The following ENAM variants were observed in gnomAD, a reference collection of about 807,000 sequenced individuals.
The protein encoded by ENAM is enamelin.
Under a neutral mutation model 33.6 loss-of-function variants are expected in ENAM, and 21 were observed. That is an observed-to-expected ratio of 0.63 (90% confidence interval 0.44 to 0.90). The LOEUF (loss-of-function observed/expected upper bound fraction) is 0.90, where lower values mean the gene tolerates loss of function less well. ENAM is among the 40% of genes least tolerant of loss of function. The pLI is 0.00. For missense variants in ENAM, 1,388 were observed against 1,366.9 expected (o/e 1.02, Z -0.24); for synonymous variants, 473 against 468.4 (o/e 1.01, Z -0.13).
intron 6 of ENAM, among the ~76,000 whole-genome samples, chr4:70,634,964 T>C (rs1317388120): frequency 6.6e-6 from 1 of 152,222 alleles, no homozygotes; most frequent in African/African-American, 2.4e-5. Context: ...ATCTGTGCTT[T>C]GATGCTCTAA....
chr4:70,629,715 T>C (rs1319954508), intron 2 of ENAM, among the ~76,000 whole-genome samples, 161 bp downstream of exon 2: 1 of 152,162 alleles, frequency 6.6e-6, no homozygotes, highest in African/African-American at 2.4e-5. Flanking sequence ...ACAGTCATTG[T>C]ACTTTGTGGC....
In ENAM at chr4:70,644,832, G is replaced by C. The variant is rs142122738; in HGVS notation, c.3406G>C (p.Asp1136His). 1.6e-4 allele frequency: 258 copies of C among 1,613,938 alleles called. No individual in the cohort carries two copies. The African/African-American group carries it at 3.1e-3, about 20-fold the overall frequency. The change falls in exon 9 of 9, where the codon GAC becomes CAC. Residue 1136 changes from aspartate to histidine, a missense_variant. Coordinates refer to ENST00000396073, the MANE Select transcript of ENAM (RefSeq NM_031889.3). ...RGTNVQDQVQ[D>H]CLLLQA is the part of the protein sequence containing the mutation. ...GACCAATGTACAGGACCAGGTACAAGACTGCTTACTACTTCAGGCCTAGGG... is the reference window on the plus strand; with the variant it reads ...GACCAATGTACAGGACCAGGTACAACACTGCTTACTACTTCAGGCCTAGGG...
intron 8 of ENAM, among the ~76,000 whole-genome samples, chr4:70,640,980 G>T (rs1237542594): frequency 1.3e-5 from 2 of 152,210 alleles, no homozygotes; most frequent in Non-Finnish European, 2.9e-5. Context: ...TGTATCCAGA[G>T]TAGCCAGTAA....
chr4:70,634,560 C>T lies in ENAM; in HGVS notation c.463C>T (p.Pro155Ser), dbSNP rs1314547526. 2.5e-6 allele frequency: 4 copies of T among 1,614,088 alleles called. No homozygotes were observed. The highest frequency in any genetic ancestry group is 1.7e-5 in the Admixed American group (1 of 60,004). The change falls in exon 6 of 9, where the codon CCC (proline) becomes TCC (serine). Residue 155 changes from proline to serine, a missense_variant. Physicochemically the swap from Pro to Ser is moderately conservative, Grantham distance 74 (BLOSUM62 -1). Coordinates refer to ENST00000396073, the MANE Select transcript of ENAM (RefSeq NM_031889.3). Reference protein sequence around the residue: ...NQPQPEEEAQPPQAFPPFGNG... With the variant: ...NQPQPEEEAQSPQAFPPFGNG... The stretch of plus-strand genomic sequence containing the variant: ...ACCTCAGCCCGAAGAGGAAGCTCAA[C>T]CCCCTCAGGTGAGACTTGCACAGAA...
rs751486520 is a variant in ENAM, at chr4:70,643,839, G to T, written c.2413G>T (p.Gly805Cys). The T allele has an allele frequency of 3.1e-6, 5 of 1,614,158 alleles. No individual in the cohort carries two copies. In the Admixed American group the frequency reaches 5.0e-5, roughly 16 times the overall value. The change falls in exon 9 of 9, where the codon GGT (glycine) becomes TGT (cysteine). Residue 805 changes from glycine to cysteine, a missense_variant. Transcript: ENST00000396073. The part of the protein sequence containing the change: ...KAPARPPDQK[G>C]NQPYYSNTPA... ...CCCAGCTAGGCCACCAGACCAGAAA[G>T]GTAACCAGCCCTATTACAGTAACAC...
chr4:70,643,052 A>G lies in ENAM; in HGVS notation c.1626A>G (p.Ser542=), dbSNP rs764209573. Residue 542 remains serine, a synonymous_variant, in exon 9 of 9, where the codon TCA becomes TCG. Coordinates refer to ENST00000396073, the MANE Select transcript of ENAM (RefSeq NM_031889.3). Reference sequence around the variant, plus strand: ...ATCAGTCAGAATTAAAGCACAGCTCATATCAGCCTGCTGTATACCCTGAGG... The same window carrying G: ...ATCAGTCAGAATTAAAGCACAGCTCGTATCAGCCTGCTGTATACCCTGAGG... ...ETNQSELKHS[S]YQPAVYPEEI... is the part of the protein sequence containing the mutation. 6.2e-7 allele frequency: 1 copy of G among 1,611,686 alleles called. No homozygotes were observed. The highest frequency in any genetic ancestry group is 8.5e-7 in the Non-Finnish European group (1 of 1,177,812).
At position 70,646,279 on chromosome 4, in the gene ENAM, T is replaced by C. The variant is rs1560407089; in HGVS notation, c.*1424T>C. ...ATAACATGTTGGCCTATTATCTGGATGTCCCTTGCCTAGAGCAGGAAAAAA... is the reference window on the plus strand; with the variant it reads ...ATAACATGTTGGCCTATTATCTGGACGTCCCTTGCCTAGAGCAGGAAAAAA... On this transcript the variant is annotated 3_prime_UTR_variant, in exon 9 of 9. Coordinates refer to ENST00000396073, the MANE Select transcript of ENAM (RefSeq NM_031889.3). The C allele has an allele frequency of 1.3e-5, 2 of 152,172 alleles. No homozygotes were observed. The highest frequency in any genetic ancestry group is 2.4e-5 in the African/African-American group (1 of 41,444). The allele number at this position is 152,172 out of a possible 1,614,324, so 9.4% of individuals were successfully genotyped here.
intron 8 of ENAM, 51 bp from the exon 9 acceptor site, chr4:70,641,964 C>A (rs1738607792): frequency 7.2e-7 from 1 of 1,387,592 alleles, no homozygotes; most frequent in Non-Finnish European, 1.0e-6. Context: ...CCAAACAACA[C>A]CATGGTGGGA....
rs1738256475 is a variant in ENAM, at chr4:70,629,516, T to C, written c.16T>C (p.Cys6Arg). Residue 6 changes from cysteine to arginine, a missense_variant, in exon 2 of 9, where the codon TGC (cysteine) becomes CGC (arginine). By Grantham distance (180) the Cys-to-Arg change is radical. Transcript: ENST00000396073. Reference sequence around the variant, plus strand: ...GCTGAAAAAAATGTTGGTGCTTCGGTGCAGGCTTGGAACCTCTTTTCCTAA... The same window carrying C: ...GCTGAAAAAAATGTTGGTGCTTCGGCGCAGGCTTGGAACCTCTTTTCCTAA... MLVLR[C>R]RLGTSFPKLD... The C allele has an allele frequency of 2.5e-6, 4 of 1,613,572 alleles. No homozygotes were observed. Among genetic ancestry groups the C allele is most frequent in the South Asian group, 1.1e-5 (1 of 91,074 alleles).
rs1456538106 is a variant in ENAM at position 70,642,688 on chromosome 4, G to A, written c.1262G>A (p.Gly421Asp). 1 of 1,609,344 alleles carries A rather than the reference G, an allele frequency of 6.2e-7. No individual in the cohort carries two copies. The highest frequency in any genetic ancestry group is 2.2e-5 in the East Asian group (1 of 44,866). Residue 421 changes from glycine to aspartate, a missense_variant, in exon 9 of 9, where the codon GGT (glycine) becomes GAT (aspartate). Gly to Asp is a moderately conservative substitution (Grantham distance 94, BLOSUM62 -1). Coordinates refer to ENST00000396073, the MANE Select transcript of ENAM (RefSeq NM_031889.3). ...HPVGTTVAPL[G>D]PKPGPVVRNE... ...GTAGGAACTACTGTTGCCCCACTGG[G>A]TCCCAAACCTGGCCCTGTTGTTCGC...
chr4:70,642,543 C>T lies in ENAM; in HGVS notation c.1117C>T (p.Arg373Cys), dbSNP rs1223791829. 6 of 1,613,928 alleles carry T rather than the reference C, an allele frequency of 3.7e-6. No individual in the cohort carries two copies. The highest frequency in any genetic ancestry group is 1.3e-5 in the African/African-American group (1 of 74,868). The part of the protein sequence containing the change: ...FFAWERKQVA[R>C]PGNPVYHKAY... ...TGCTTGGGAACGTAAACAAGTAGCT[C>T]GTCCAGGAAATCCAGTTTATCACAA... Residue 373 changes from arginine (R) to cysteine (C), a missense_variant, in exon 9 of 9, where the codon CGT (arginine) becomes TGT (cysteine). By Grantham distance (180) the Arg-to-Cys change is radical. Coordinates refer to ENST00000396073, the MANE Select transcript of ENAM (RefSeq NM_031889.3).
At chr4:70,639,151 G>A (rs759131457) in intron 8 of ENAM, among the ~76,000 whole-genome samples, 7 of 152,126 alleles carry the variant, frequency 4.6e-5, no homozygotes, top group South Asian at 4.2e-4. Context: ...GGTATAAGGC[G>A]CTCTCAAATA....
intron 7 of ENAM, among the ~76,000 whole-genome samples, chr4:70,637,347 T>A (rs1029806229): frequency 3.3e-5 from 5 of 152,160 alleles, no homozygotes; most frequent in African/African-American, 1.2e-4. Flanking sequence ...TGAAGCCACA[T>A]TCTAAAAATA....
chr4:70,644,589 T>G lies in ENAM; in HGVS notation c.3163T>G (p.Leu1055Val). Residue 1055 changes from leucine to valine, a missense_variant, in exon 9 of 9, where the codon TTG becomes GTG. Physicochemically the swap from Leu to Val is conservative, Grantham distance 32. Coordinates refer to ENST00000396073, the MANE Select transcript of ENAM (RefSeq NM_031889.3). ...GCAAAGACCATCTAACATTCTGCAT[T>G]TGCCATGCTTTGGCTCCAAATTAGC... Reference protein sequence around the residue: ...QQQRPSNILHLPCFGSKLAKH... With the variant: ...QQQRPSNILHVPCFGSKLAKH... 6.2e-7 allele frequency: 1 copy of G among 1,613,090 alleles called. No homozygotes were observed. The highest frequency in any genetic ancestry group is 1.1e-5 in the South Asian group (1 of 90,996).
At position 70,643,933 on chromosome 4, in the gene ENAM, C is replaced by T. The variant is rs1738684833; in HGVS notation, c.2507C>T (p.Thr836Ile). Residue 836 changes from threonine (T) to isoleucine (I), a missense_variant, in exon 9 of 9, where the codon ACT (threonine) becomes ATT (isoleucine). Thr to Ile is a moderately conservative substitution (Grantham distance 89). Coordinates refer to ENST00000396073, the MANE Select transcript of ENAM (RefSeq NM_031889.3). ...AATTTGAACTATGGCATGCAAATAA[C>T]TAGGATGAATTCTCCAGAGAGAGAA... ...GENLNYGMQITRMNSPEREHS... is the reference protein window; with the variant it reads ...GENLNYGMQIIRMNSPEREHS... 1 of 1,614,144 alleles carries T rather than the reference C, an allele frequency of 6.2e-7. No individual in the cohort carries two copies. Among genetic ancestry groups the T allele is most frequent in the Non-Finnish European group, 8.5e-7 (1 of 1,179,980 alleles).
At position 70,642,117 on chromosome 4, in the gene ENAM, G is replaced by T. The variant is rs1738612933; in HGVS notation, c.691G>T (p.Asp231Tyr). Residue 231 changes from aspartate (D) to tyrosine (Y), a missense_variant, in exon 9 of 9, where the codon GAT (aspartate) becomes TAT (tyrosine). Transcript: ENST00000396073. ...AGATTTTGAAAAACCCAAAGAAGAA[G>T]ATCCTCCTAAAGCAGAAAGTCCAGG... ...EQDFEKPKEE[D>Y]PPKAESPGTE... 10 of 1,613,980 alleles carry T rather than the reference G, an allele frequency of 6.2e-6. No homozygotes were observed. The highest frequency in any genetic ancestry group is 8.5e-6 in the Non-Finnish European group (10 of 1,179,982).
At chr4:70,634,798 G>T (rs1487663902) in intron 6 of ENAM, among the ~76,000 whole-genome samples, 1 of 152,152 alleles carries the variant, frequency 6.6e-6, no homozygotes, top group Non-Finnish European at 1.5e-5. Flanking sequence ...AGACAACATG[G>T]TGTAATAATA....
chr4:70,644,596 G>T lies in ENAM; in HGVS notation c.3170G>T (p.Cys1057Phe). The T allele has an allele frequency of 6.2e-7, 1 of 1,613,164 alleles. No homozygotes were observed. Among genetic ancestry groups the T allele is most frequent in the Non-Finnish European group, 8.5e-7 (1 of 1,179,288 alleles). The change falls in exon 9 of 9, where the codon TGC (cysteine) becomes TTC (phenylalanine). Residue 1057 changes from cysteine (C) to phenylalanine (F), a missense_variant. Cys to Phe is a radical substitution (Grantham distance 205). Coordinates refer to ENST00000396073, the MANE Select transcript of ENAM (RefSeq NM_031889.3). ...CCATCTAACATTCTGCATTTGCCAT[G>T]CTTTGGCTCCAAATTAGCAAAGCAT... ...QRPSNILHLP[C>F]FGSKLAKHHS...
chr4:70,640,047 A>G (rs745369776), intron 8 of ENAM, among the ~76,000 whole-genome samples: 20 of 152,374 alleles, frequency 1.3e-4, no homozygotes, highest in African/African-American at 4.6e-4. Context: ...GAAAAATCAA[A>G]TGATCTAAAT....
Sources: gnomAD v4.1 joint callset for allele counts (sites outside exome capture counted in the v4.1 genomes callset) on GRCh38, gnomAD v4.1.1 for gene constraint, MANE v1.5 for transcripts, NCBI Gene and HGNC (gene_info 2026-07-23, HGNC 2026-07-21) for gene names.